The following NUP133 variants were observed in gnomAD, a reference collection of about 807,000 sequenced individuals.
NUP133 encodes the protein nucleoporin 133.
In NUP133, 66 loss-of-function variants were observed where a neutral mutation model predicts 146.2. The observed-to-expected ratio is 0.45, with a 90% confidence interval of 0.37 to 0.55. NUP133 has a LOEUF of 0.55. Ranked by LOEUF, NUP133 falls within the 20% of genes least tolerant of loss-of-function variation. The probability of loss-of-function intolerance (pLI) is 0.00; values close to 1 mark genes in which losing one functional copy is unlikely to be tolerated. For missense variants in NUP133, 1,277 were observed against 1,374.8 expected (o/e 0.93, Z 1.12); for synonymous variants, 521 against 498.8 (o/e 1.04, Z -0.59).
At chr1:229,500,621 C>G in intron 4 of NUP133, 135 bp downstream of exon 4, 1 of 565,862 alleles carries the variant, frequency 1.8e-6, no homozygotes, top group Non-Finnish European at 3.1e-6. Flanking sequence ...GTGTGTAGCT[C>G]TCTTTGCCAA....
At chr1:229,464,350 G>A (rs759450087) in intron 18 of NUP133, among the ~76,000 whole-genome samples, 20 of 152,074 alleles carry the variant, frequency 1.3e-4, no homozygotes, top group Admixed American at 9.2e-4. Flanking sequence ...AGTTATTCAC[G>A]TAAAGGTCTG....
At chr1:229,443,822 G>A (rs1660238885) in intron 25 of NUP133, among the ~76,000 whole-genome samples, 1 of 145,112 alleles carries the variant, frequency 6.9e-6, no homozygotes, top group Admixed American at 7.1e-5. Context: ...TTCACCTCCT[G>A]GGCTCAAGCA....
Position 229,452,545 on chromosome 1 carries a change from T to C in NUP133, c.3079A>G (p.Thr1027Ala), listed in dbSNP as rs765043363. 1.2e-4 allele frequency: 192 copies of C among 1,613,630 alleles called. No individual in the cohort carries two copies. Among genetic ancestry groups the C allele is most frequent in the Admixed American group, 5.8e-4 (35 of 59,998 alleles). Residue 1027 changes from threonine to alanine, a missense_variant, in exon 22 of 26, where the codon ACT becomes GCT. Physicochemically the swap from Thr to Ala is moderately conservative, Grantham distance 58. Transcript: ENST00000261396. Reference sequence around the variant, plus strand: ...CATACACCAATGAGTTGTGGTGCAGTCAATACTGGCATCGCACTGAGATTT... The same window carrying C: ...CATACACCAATGAGTTGTGGTGCAGCCAATACTGGCATCGCACTGAGATTT... Reference protein sequence around the residue: ...QLNLSAMPVLTAPQLIGLYIC... With the variant: ...QLNLSAMPVLAAPQLIGLYIC...
intron 4 of NUP133, 48 bp from the exon 5 acceptor site, chr1:229,499,866 C>A: frequency 6.4e-7 from 1 of 1,572,704 alleles, no homozygotes; most frequent in Admixed American, 1.8e-5. Context: ...AAGAGGAACC[C>A]AAAAACCAGC....
At chr1:229,457,661 GT>G (rs1660600224) in intron 21 of NUP133, among the ~76,000 whole-genome samples, 1 of 151,952 alleles carries the variant, frequency 6.6e-6, no homozygotes, top group African/African-American at 2.4e-5. Flanking sequence ...AATTTTAATT[GT>G]TGTTGAATAT....
At chr1:229,442,701 T>C (rs1660210141) in intron 25 of NUP133, among the ~76,000 whole-genome samples, 1 of 148,920 alleles carries the variant, frequency 6.7e-6, no homozygotes, top group Admixed American at 6.7e-5. Flanking sequence ...GGGCCTTGCA[T>C]CATTTTTTGG....
intron 13 of NUP133, 30 bp from the exon 14 acceptor site, chr1:229,475,762 C>T (rs1170518422): frequency 2.0e-6 from 3 of 1,534,676 alleles, no homozygotes; most frequent in African/African-American, 1.4e-5. Flanking sequence ...AAACTTAGAA[C>T]ATAGTGGTTT....
chr1:229,460,522 T>TA, intron 20 of NUP133, 89 bp downstream of exon 20: 1 of 1,311,000 alleles, frequency 7.6e-7, no homozygotes, highest in Non-Finnish European at 1.1e-6. Flanking sequence ...TATATGACAG[T>TA]AAACAGTATT....
chr1:229,471,225 A>G (rs1267779729), intron 14 of NUP133, among the ~76,000 whole-genome samples: 1 of 152,076 alleles, frequency 6.6e-6, no homozygotes, highest in Admixed American at 6.6e-5. Flanking sequence ...AGCTCAAGCC[A>G]TCTTCCACCT....
At chr1:229,449,743 C>G (rs964522812) in intron 23 of NUP133, among the ~76,000 whole-genome samples, 3 of 150,870 alleles carry the variant, frequency 2.0e-5, no homozygotes. Context: ...TACCAAATTA[C>G]TTTCAATTGC....
At chr1:229,449,479 T>C (rs1455497233) in intron 23 of NUP133, among the ~76,000 whole-genome samples, 1 of 151,164 alleles carries the variant, frequency 6.6e-6, no homozygotes, top group Non-Finnish European at 1.5e-5. Flanking sequence ...GCAATTCCCC[T>C]ACCTCAGCCT....
chr1:229,452,507 G>T lies in NUP133; in HGVS notation c.3099+18C>A, dbSNP rs1469125680. 14 of 1,581,628 alleles carry T rather than the reference G, an allele frequency of 8.9e-6. No individual in the cohort carries two copies. Among genetic ancestry groups the T allele is most frequent in the Non-Finnish European group, 1.2e-5 (14 of 1,152,822 alleles). ...TTTGAGTTTAAGAAATAGCGTTAAG[G>T]ATTTGAAAAGCACATACACCAATGA... On this transcript the variant is annotated intron_variant, in intron 22 of 25. Transcript: ENST00000261396.
At chr1:229,452,776 AATG>A in intron 21 of NUP133, 133 bp from the exon 22 acceptor site, 1 of 583,950 alleles carries the variant, frequency 1.7e-6, no homozygotes. Flanking sequence ...ATCTTTATTC[AATG>A]ATCTCAGAAT....
At chr1:229,490,424 G>C (rs1378668124) in intron 8 of NUP133, among the ~76,000 whole-genome samples, 2 of 149,176 alleles carry the variant, frequency 1.3e-5, no homozygotes, top group Non-Finnish European at 3.0e-5. Context: ...AAAAAATACT[G>C]AATGAATTTG....
intron 11 of NUP133, among the ~76,000 whole-genome samples, chr1:229,485,731 A>C (rs1661332210): frequency 6.6e-6 from 1 of 152,242 alleles, no homozygotes; most frequent in Non-Finnish European, 1.5e-5. Context: ...AGAATAAATC[A>C]CTAAAAGGCT....
At chr1:229,475,813 A>T in intron 13 of NUP133, 81 bp from the exon 14 acceptor site, 1 of 1,190,534 alleles carries the variant, frequency 8.4e-7, no homozygotes. Flanking sequence ...AACTGCTATT[A>T]AAATAAAAAG....
At chr1:229,477,914 G>A (rs926569703) in intron 12 of NUP133, among the ~76,000 whole-genome samples, 154 bp from the exon 13 acceptor site, 5 of 152,176 alleles carry the variant, frequency 3.3e-5, no homozygotes, top group African/African-American at 1.2e-4. Context: ...GACATGTTAA[G>A]TGAAATAAGT....
chr1:229,488,550 C>G (rs1368760555), intron 9 of NUP133, among the ~76,000 whole-genome samples: 1 of 152,034 alleles, frequency 6.6e-6, no homozygotes, highest in Non-Finnish European at 1.5e-5. Context: ...TTTTCTAACA[C>G]TGAGCATGTT....
At position 229,508,143 on chromosome 1, in the gene NUP133, C is replaced by A. The variant is rs765979600; in HGVS notation, c.107G>T (p.Gly36Val). Reference protein sequence around the residue: ...GSTPRTASRKGLPLGSAVSSP... With the variant: ...GSTPRTASRKVLPLGSAVSSP... ...GCTGACTGCAGACCCCAGGGGCAGA[C>A]CCTTCCTGCTAGCCGTCCGGGGCGT... is the stretch of plus-strand genomic sequence containing the variant. The change falls in exon 1 of 26, where the codon GGT becomes GTT. Residue 36 changes from glycine (G) to valine (V), a missense_variant. Around this residue, in one of 3 missense-constraint regions of NUP133, gnomAD observed 319 missense variants for 306.9 expected, o/e 1.04. Coordinates refer to ENST00000261396, the MANE Select transcript of NUP133 (RefSeq NM_018230.3). 8.8e-6 allele frequency: 14 copies of A among 1,597,006 alleles called. No homozygotes were observed. The highest frequency in any genetic ancestry group is 2.3e-5 in the East Asian group (1 of 43,190).
Sources: gnomAD v4.1 joint callset for allele counts (sites outside exome capture counted in the v4.1 genomes callset) on GRCh38, gnomAD v4.1.1 for gene constraint, gnomAD v4.1.1 regional missense constraint, MANE v1.5 for transcripts, NCBI Gene and HGNC (gene_info 2026-07-23, HGNC 2026-07-21) for gene names.